CFAP47: variants seen among roughly 807,000 people sequenced by gnomAD.
CFAP47 encodes the protein cilia- and flagella-associated protein 47.
Under a neutral mutation model 148.1 loss-of-function variants are expected in CFAP47, and 29 were observed. The observed-to-expected ratio is 0.20, with a 90% CI of 0.15 to 0.27. The LOEUF is 0.27. Among genes scored for constraint, CFAP47 ranks in the 10% least tolerant of loss-of-function variants. The probability of loss-of-function intolerance (pLI) is 1.00; values close to 1 mark genes in which losing one functional copy is unlikely to be tolerated. For missense variants in CFAP47, 1,872 were observed against 1,697.5 expected, an observed-to-expected ratio of 1.10 and a Z score of -1.81; for synonymous variants, 664 against 577.3, an observed-to-expected ratio of 1.15 and a Z score of -2.15.
intron 42 of CFAP47, among the ~76,000 whole-genome samples, chrX:36,193,825 A>G (rs1249179257): frequency 9.0e-6 from 1 of 111,598 alleles, no homozygotes; most frequent in Non-Finnish European, 1.9e-5. Flanking sequence ...TTCAAGATAA[A>G]CATGAAGAGA....
chrX:36,234,337 C>G (rs1940420256), intron 46 of CFAP47, among the ~76,000 whole-genome samples: 1 of 111,137 alleles, frequency 9.0e-6, no homozygotes, highest in South Asian at 3.8e-4. Flanking sequence ...TTTCTCTAAA[C>G]TTCCCTTCTC....
intron 35 of CFAP47, among the ~76,000 whole-genome samples, chrX:36,140,710 T>C (rs66530634): frequency 0.098 from 10,939 of 111,610 alleles, 1,038 homozygotes; most frequent in African/African-American, 0.3. Context: ...AATTCAGCAA[T>C]GGACTTAATT....
At chrX:36,305,422 A>G (rs1193793779) in intron 54 of CFAP47, among the ~76,000 whole-genome samples, 2 of 111,610 alleles carry the variant, frequency 1.8e-5, no homozygotes, top group Admixed American at 1.9e-4. Context: ...TAAATGTAAT[A>G]TTTTGCACAT....
At position 35,919,921 on chromosome X, in the gene CFAP47, G is replaced by A. The variant is rs138479255; in HGVS notation, c.122G>A (p.Arg41Gln). ...AGCTCGGGTAGAGACATGCAGCTGC[G>A]GGTGATCCCGGCTGAGGTGAAGTTC... ...MDSSGRDMQL[R>Q]VIPAEVKFLD... Residue 41 changes from arginine to glutamine, a missense_variant, in exon 1 of 64, where the codon CGG becomes CAG. By Grantham distance (43) the Arg-to-Gln change is conservative (BLOSUM62 1). Transcript: ENST00000378653. 2.3e-3 allele frequency: 2,809 copies of A among 1,208,885 alleles called. 9 individuals carry two copies. Among genetic ancestry groups the A allele is most frequent in the African/African-American group, 0.017 (972 of 56,952 alleles).
At chrX:36,230,907 G>C (rs1466243883) in intron 46 of CFAP47, among the ~76,000 whole-genome samples, 1 of 105,815 alleles carries the variant, frequency 9.5e-6, no homozygotes, top group Non-Finnish European at 1.9e-5. Context: ...GTTTGTCAAA[G>C]ATCAGATAGT....
chrX:35,953,847 G>A (rs1022356756), intron 7 of CFAP47, 128 bp downstream of exon 7: 4 of 433,464 alleles, frequency 9.2e-6, no homozygotes, highest in Non-Finnish European at 1.4e-5. Context: ...AAGCAAACAT[G>A]TTCAAGAGAC....
intron 33 of CFAP47, among the ~76,000 whole-genome samples, chrX:36,134,005 C>A (rs1413608925): frequency 9.1e-6 from 1 of 109,675 alleles, no homozygotes; most frequent in Non-Finnish European, 1.9e-5. Flanking sequence ...AATTATATTT[C>A]TATATATTGG....
chrX:36,286,267 T>C (rs1301471880), intron 51 of CFAP47, among the ~76,000 whole-genome samples: 1 of 111,377 alleles, frequency 9.0e-6, no homozygotes, highest in Non-Finnish European at 1.9e-5. Context: ...ACAATATTGC[T>C]ATTAACAATG....
intron 30 of CFAP47, among the ~76,000 whole-genome samples, chrX:36,091,316 C>T (rs1938181520): frequency 9.0e-6 from 1 of 111,331 alleles, no homozygotes; most frequent in South Asian, 3.7e-4. Flanking sequence ...TTCTCAGTAA[C>T]GTTTGATATA....
At chrX:36,211,583 G>A (rs1555989518) in intron 45 of CFAP47, 3 of 274,872 alleles carry the variant, frequency 1.1e-5, no homozygotes, top group Non-Finnish European at 2.0e-5. Flanking sequence ...AATACAAAAA[G>A]GATATTGCTG....
At chrX:35,977,221 A>G (rs1376981462) in intron 15 of CFAP47, among the ~76,000 whole-genome samples, 3 of 111,779 alleles carry the variant, frequency 2.7e-5, no homozygotes, top group Non-Finnish European at 5.6e-5. Context: ...GGAAAGTAAA[A>G]CAGACTTTGG....
intron 55 of CFAP47, among the ~76,000 whole-genome samples, chrX:36,307,321 T>G (rs1941358855): frequency 9.0e-6 from 1 of 111,579 alleles, no homozygotes; most frequent in South Asian, 3.7e-4. Flanking sequence ...TTTGACAATC[T>G]CTAAATATGT....
At chrX:36,357,837 A>T (rs1941797382) in intron 60 of CFAP47, among the ~76,000 whole-genome samples, 1 of 111,418 alleles carries the variant, frequency 9.0e-6, no homozygotes, top group Non-Finnish European at 1.9e-5. Flanking sequence ...AGTTTTAGTC[A>T]TGCCCCTTAA....
chrX:36,164,814 G>A (rs1483589704), intron 39 of CFAP47, among the ~76,000 whole-genome samples: 1 of 111,307 alleles, frequency 9.0e-6, no homozygotes, highest in Non-Finnish European at 1.9e-5. Context: ...AAAACACTTA[G>A]CATGATATCT....
chrX:36,218,617 T>C (rs1349266231), intron 45 of CFAP47, among the ~76,000 whole-genome samples: 1 of 111,625 alleles, frequency 9.0e-6, no homozygotes, highest in Non-Finnish European at 1.9e-5. Flanking sequence ...AAAGCCAAAC[T>C]CTGTGAAATA....
chrX:36,107,797 C>T (rs1175110740), intron 33 of CFAP47, among the ~76,000 whole-genome samples: 1 of 111,042 alleles, frequency 9.0e-6, no homozygotes, highest in Non-Finnish European at 1.9e-5. Flanking sequence ...TTCTTTTTGC[C>T]ACATTACTTT....
At chrX:36,214,771 G>A (rs1646385456) in intron 45 of CFAP47, among the ~76,000 whole-genome samples, 1 of 110,484 alleles carries the variant, frequency 9.1e-6, no homozygotes, top group African/African-American at 3.3e-5. Context: ...AGTTCTTTAG[G>A]AACAATAGCA....
chrX:36,268,856 A>G (rs950069400), intron 49 of CFAP47, among the ~76,000 whole-genome samples: 28 of 112,210 alleles, frequency 2.5e-4, no homozygotes, highest in Non-Finnish European at 4.7e-4. Context: ...GAAGTATTTC[A>G]TTATATATTT....
At chrX:36,370,650 C>T (rs1220586281) in intron 62 of CFAP47, among the ~76,000 whole-genome samples, 2 of 110,073 alleles carry the variant, frequency 1.8e-5, no homozygotes, top group African/African-American at 6.6e-5. Flanking sequence ...AGCTTATTTA[C>T]CAGCCCTTGG....
Sources: allele counts gnomAD v4.1 joint callset (sites outside exome capture counted in the v4.1 genomes callset), GRCh38; gene constraint gnomAD v4.1.1; transcripts MANE v1.5; gene names NCBI Gene and HGNC (gene_info 2026-07-23, HGNC 2026-07-21).